Variants in STEAP2 observed in about 807,000 individuals in gnomAD.
STEAP2 encodes metalloreductase STEAP2.
A neutral mutation model predicts 46.4 loss-of-function variants in STEAP2; 30 were observed. That is an observed-to-expected ratio of 0.65 (90% CI 0.48 to 0.88). The LOEUF (loss-of-function observed/expected upper bound fraction) is 0.88. Ranked by LOEUF, STEAP2 falls within the 40% of genes least tolerant of loss-of-function variation. The pLI is 0.00. For missense variants in STEAP2, 513 were observed against 579.3 expected, an observed-to-expected ratio of 0.89 and a Z score of 1.18; for synonymous variants, 180 against 200.5, an observed-to-expected ratio of 0.90 and a Z score of 0.86.
chr7:90,219,894 G>T (rs767585678), intron 2 of STEAP2, among the ~76,000 whole-genome samples: 3 of 152,130 alleles, frequency 2.0e-5, no homozygotes, highest in Middle Eastern at 3.4e-3. Flanking sequence ...CCTAGCTATT[G>T]TTTAAATTTT....
Position 90,234,082 on chromosome 7 carries a change from C to G in STEAP2, c.*1458C>G. Reference sequence around the variant, plus strand: ...TCTGTAGAGTTAGTCTTCTCCTTTTCTCTTCCTGAGAAGTTCTCCTGCCTG... The same window carrying G: ...TCTGTAGAGTTAGTCTTCTCCTTTTGTCTTCCTGAGAAGTTCTCCTGCCTG... On this transcript the variant is annotated 3_prime_UTR_variant, in exon 6 of 6. Coordinates refer to ENST00000394621, the MANE Select transcript of STEAP2 (RefSeq NM_001244944.2). 1 of 985,382 alleles carries G rather than the reference C, an allele frequency of 1.0e-6. No homozygotes were observed. Among genetic ancestry groups the G allele is most frequent in the Non-Finnish European group, 1.2e-6 (1 of 829,936 alleles). 61.0% of individuals were successfully genotyped at this position (985,382 alleles called of 1,614,324 possible).
intron 2 of STEAP2, among the ~76,000 whole-genome samples, chr7:90,220,472 T>C: frequency 6.6e-6 from 1 of 152,206 alleles, no homozygotes; most frequent in Non-Finnish European, 1.5e-5. Flanking sequence ...GTATCAATTG[T>C]AATGTTTCCT....
chr7:90,234,841 C>T lies in STEAP2; in HGVS notation c.*2217C>T, dbSNP rs1795906530. On this transcript the variant is annotated 3_prime_UTR_variant, in exon 6 of 6. Transcript: ENST00000394621. Reference sequence around the variant, plus strand: ...TGCTGGGATTACAGGTGTGAGCTACCGCGCCCGGCCTATTATCTTGTACTT... The same window carrying T: ...TGCTGGGATTACAGGTGTGAGCTACTGCGCCCGGCCTATTATCTTGTACTT... 4.1e-6 allele frequency: 4 copies of T among 984,296 alleles called. No homozygotes were observed. The highest frequency in any genetic ancestry group is 6.2e-5 in the Admixed American group (1 of 16,232). 61.0% of individuals were successfully genotyped at this position (984,296 alleles called of 1,614,324 possible). A position where few individuals can be genotyped will look rare whatever the true frequency, so the allele number is the denominator to read the frequency against.
downstream of STEAP2, chr7:90,238,157 C>G (rs1407061601): frequency 1.4e-6 from 1 of 717,432 alleles, no homozygotes; most frequent in South Asian, 1.5e-5. Context: ...ACTACCACCA[C>G]CACCACACTG....
At chr7:90,224,264 C>T (rs117463619) in intron 2 of STEAP2, among the ~76,000 whole-genome samples, 233 of 152,236 alleles carry the variant, frequency 1.5e-3, no homozygotes, top group Middle Eastern at 3.4e-3. Flanking sequence ...TAAGACATGC[C>T]CATCAGTGTG....
chr7:90,235,404 T>C lies in STEAP2; in HGVS notation c.*2780T>C. 3 of 976,516 alleles carry C rather than the reference T, an allele frequency of 3.1e-6. No homozygotes were observed. The highest frequency in any genetic ancestry group is 1.1e-4 in the East Asian group (1 of 8,778). The allele number at this position is 976,516 out of a possible 1,614,324, so 60.5% of individuals were successfully genotyped here. ...TTGCTTTATTTTACCTCTATGTGAT[T>C]ATTTTTCTTAATTGTTATTTTTTAT... On this transcript the variant is annotated 3_prime_UTR_variant, in exon 6 of 6. Coordinates refer to ENST00000394621, the MANE Select transcript of STEAP2 (RefSeq NM_001244944.2).
chr7:90,233,314 C>A lies in STEAP2; in HGVS notation c.*690C>A. 1.0e-6 allele frequency: 1 copy of A among 978,416 alleles called. No homozygotes were observed. Among genetic ancestry groups the A allele is most frequent in the Non-Finnish European group, 1.2e-6 (1 of 823,752 alleles). The allele number at this position is 978,416 out of a possible 1,614,324, so 60.6% of individuals were successfully genotyped here. A position where few individuals can be genotyped will look rare whatever the true frequency, so the allele number is the denominator to read the frequency against. ...TTTTATTCTTTATTGTGTTACAGAG[C>A]AGTTTCATTTTCATATTAATATACT... On this transcript the variant is annotated 3_prime_UTR_variant, in exon 6 of 6. Transcript: ENST00000394621.
chr7:90,224,900 T>A (rs749635470), intron 2 of STEAP2, 150 bp from the exon 3 acceptor site: 7 of 625,828 alleles, frequency 1.1e-5, no homozygotes, highest in Non-Finnish European at 1.8e-5. Flanking sequence ...TAGTGATCCT[T>A]TTTTAGCTTA....
chr7:90,216,470 G>A (rs982093270), intron 1 of STEAP2, 21 bp from the exon 2 acceptor site: 1 of 152,152 alleles, frequency 6.6e-6, no homozygotes, highest in Non-Finnish European at 1.5e-5. Flanking sequence ...GCATTTTAAG[G>A]AATGGCATTG....
chr7:90,236,206 A>C lies in STEAP2; in HGVS notation c.*3582A>C, dbSNP rs536002213. ...CAGTTTCCCCCCAAAAAAGAGATTTATTTATGAAATATTTAAAGTTTCTAA... is the reference window on the plus strand; with the variant it reads ...CAGTTTCCCCCCAAAAAAGAGATTTCTTTATGAAATATTTAAAGTTTCTAA... On this transcript the variant is annotated 3_prime_UTR_variant, in exon 6 of 6. Coordinates refer to ENST00000394621, the MANE Select transcript of STEAP2 (RefSeq NM_001244944.2). The C allele has an allele frequency of 2.5e-6, 2 of 789,040 alleles. No homozygotes were observed. The highest frequency in any genetic ancestry group is 3.1e-6 in the Non-Finnish European group (2 of 652,008). The allele number at this position is 789,040 out of a possible 1,614,324, so 48.9% of individuals were successfully genotyped here.
chr7:90,212,647 A>T (rs1562798553), intron 1 of STEAP2, among the ~76,000 whole-genome samples: 1 of 152,236 alleles, frequency 6.6e-6, no homozygotes, highest in African/African-American at 2.4e-5. Context: ...GAGCAGAGAG[A>T]TAAAGAGCAT....
At chr7:90,228,578 C>T (rs370138485) in intron 4 of STEAP2, among the ~76,000 whole-genome samples, 1 of 152,110 alleles carries the variant, frequency 6.6e-6, no homozygotes, top group East Asian at 1.9e-4. Flanking sequence ...TTCTGACTTA[C>T]CCTGCTCTAC....
Position 90,225,420 on chromosome 7 carries a change from T to C in STEAP2, c.338T>C (p.Leu113Pro). ...DLRHLLVGKI[L>P]IDVSNNMRIN... ...AGACATCTGCTTGTGGGTAAAATCC[T>C]GATTGATGTGAGCAATAACATGAGG... The change falls in exon 3 of 6, where the codon CTG becomes CCG. Residue 113 changes from leucine to proline, a missense_variant. Leu to Pro is a moderately conservative substitution (Grantham distance 98, BLOSUM62 -3). Transcript: ENST00000394621. 2 of 1,613,898 alleles carry C rather than the reference T, an allele frequency of 1.2e-6. No individual in the cohort carries two copies. The highest frequency in any genetic ancestry group is 1.1e-5 in the South Asian group (1 of 91,068).
intron 2 of STEAP2, among the ~76,000 whole-genome samples, chr7:90,219,039 T>C (rs778212975): frequency 2.0e-5 from 3 of 152,096 alleles, no homozygotes; most frequent in African/African-American, 4.8e-5. Flanking sequence ...GTTTTTTTTA[T>C]AGCTATTGTA....
rs1795994519 is a variant in STEAP2, at chr7:90,237,283, C to T, written c.*4659C>T. ...GAAGTGAAAATTAATTCTTTCTGCC[C>T]TTCAGTTCTTTATCCTGATACCATT... On this transcript the variant is annotated 3_prime_UTR_variant, in exon 6 of 6. Transcript: ENST00000394621. 3.9e-6 allele frequency: 1 copy of T among 257,528 alleles called. No individual in the cohort carries two copies. Among genetic ancestry groups the T allele is most frequent in the African/African-American group, 2.2e-5 (1 of 45,054 alleles). 16.0% of individuals were successfully genotyped at this position (257,528 alleles called of 1,614,324 possible).
At position 90,233,894 on chromosome 7, in the gene STEAP2, A is replaced by G. The variant is rs1267959788; in HGVS notation, c.*1270A>G. ...CAAAAATGTATAAAAATATTATTATAATAAACTTATTACTGCTTGTAGGGT... is the reference window on the plus strand; with the variant it reads ...CAAAAATGTATAAAAATATTATTATGATAAACTTATTACTGCTTGTAGGGT... On this transcript the variant is annotated 3_prime_UTR_variant, in exon 6 of 6. Coordinates refer to ENST00000394621, the MANE Select transcript of STEAP2 (RefSeq NM_001244944.2). 1.0e-6 allele frequency: 1 copy of G among 984,428 alleles called. No homozygotes were observed. Among genetic ancestry groups the G allele is most frequent in the African/African-American group, 1.7e-5 (1 of 57,206 alleles). 61.0% of individuals were successfully genotyped at this position (984,428 alleles called of 1,614,324 possible). A position where few individuals can be genotyped will look rare whatever the true frequency, so the allele number is the denominator to read the frequency against.
chr7:90,225,306 A>C lies in STEAP2; in HGVS notation c.224A>C (p.Asp75Ala). The C allele has an allele frequency of 6.2e-7, 1 of 1,614,020 alleles. No homozygotes were observed. Among genetic ancestry groups the C allele is most frequent in the Non-Finnish European group, 8.5e-7 (1 of 1,179,968 alleles). ...TCTGAATTTTTTCCTCATGTGGTAGATGTCACTCATCATGAAGATGCTCTC... is the reference window on the plus strand; with the variant it reads ...TCTGAATTTTTTCCTCATGTGGTAGCTGTCACTCATCATGAAGATGCTCTC... Reference protein sequence around the residue: ...FASEFFPHVVDVTHHEDALTK... With the variant: ...FASEFFPHVVAVTHHEDALTK... The change falls in exon 3 of 6, where the codon GAT becomes GCT. Residue 75 changes from aspartate (D) to alanine (A), a missense_variant. Physicochemically the swap from Asp to Ala is moderately radical, Grantham distance 126. Coordinates refer to ENST00000394621, the MANE Select transcript of STEAP2 (RefSeq NM_001244944.2).
downstream of STEAP2, among the ~76,000 whole-genome samples, chr7:90,242,455 A>G (rs1243539687): frequency 6.6e-6 from 1 of 152,154 alleles, no homozygotes; most frequent in East Asian, 1.9e-4. Context: ...GCTCTACTTT[A>G]AGTGGAAATT....
Position 90,236,874 on chromosome 7 carries a change from T to G in STEAP2, c.*4250T>G. On this transcript the variant is annotated 3_prime_UTR_variant, in exon 6 of 6. Transcript: ENST00000394621. ...TGCCAACTTTAAGGAAATATTCTCT[T>G]GAAATTGTCTTTAAAGATCTTTTGC... The G allele has an allele frequency of 6.2e-7, 1 of 1,613,676 alleles. No individual in the cohort carries two copies. Among genetic ancestry groups the G allele is most frequent in the Non-Finnish European group, 8.5e-7 (1 of 1,179,840 alleles).
Sources: allele counts gnomAD v4.1 joint callset (sites outside exome capture counted in the v4.1 genomes callset), GRCh38; gene constraint gnomAD v4.1.1; transcripts MANE v1.5; gene names NCBI Gene and HGNC (gene_info 2026-07-23, HGNC 2026-07-21).